Variants in GJC1 observed in about 807,000 individuals in gnomAD.
The protein encoded by GJC1 is gap junction gamma-1 protein.
Under a neutral mutation model 29.3 loss-of-function variants are expected in GJC1, and 5 were observed. The observed-to-expected ratio is 0.17, with a 90% CI of 0.09 to 0.36. The LOEUF is 0.36. GJC1 is among the 10% of genes least tolerant of loss of function. The probability of loss-of-function intolerance (pLI) is 1.00; values close to 1 mark genes in which losing one functional copy is unlikely to be tolerated. For missense variants in GJC1, 310 were observed against 496.2 expected, an observed-to-expected ratio of 0.62 and a Z score of 3.56; for synonymous variants, 177 against 183.3, an observed-to-expected ratio of 0.97 and a Z score of 0.28.
At chr17:44,823,902 G>C (rs35271426) in intron 1 of GJC1, among the ~76,000 whole-genome samples, 4 of 151,218 alleles carry the variant, frequency 2.6e-5, no homozygotes, top group Non-Finnish European at 5.9e-5. Flanking sequence ...TAGTAGAGAC[G>C]GGGTTTCACG....
At chr17:44,829,163 C>A (rs1476584713) in intron 1 of GJC1, among the ~76,000 whole-genome samples, 1 of 151,810 alleles carries the variant, frequency 6.6e-6, no homozygotes. Context: ...ACTGCCAGTT[C>A]TCAATGAACA....
intron 1 of GJC1, among the ~76,000 whole-genome samples, chr17:44,824,295 C>T (rs867952182): frequency 2.0e-4 from 30 of 152,114 alleles, no homozygotes; most frequent in Middle Eastern, 3.4e-3. Context: ...TGTGAGCCAC[C>T]GCACCCGGCC....
Position 44,798,506 on chromosome 17 carries a change from C to T in GJC1, c.*6121G>A, listed in dbSNP as rs1386212597. 6.6e-6 allele frequency: 1 copy of T among 152,196 alleles called. No individual in the cohort carries two copies. The highest frequency in any genetic ancestry group is 1.5e-5 in the Non-Finnish European group (1 of 68,038). 9.4% of individuals were successfully genotyped at this position (152,196 alleles called of 1,614,324 possible). A position where few individuals can be genotyped will look rare whatever the true frequency, so the allele number is the denominator to read the frequency against. ...ATCTTCCTAGAGACAAGGCCCTGAGCACACAGAGTCCGTCTCCACCATGAA... is the reference window on the plus strand; with the variant it reads ...ATCTTCCTAGAGACAAGGCCCTGAGTACACAGAGTCCGTCTCCACCATGAA... On this transcript the variant is annotated 3_prime_UTR_variant, in exon 3 of 3. Transcript: ENST00000592524.
chr17:44,823,711 C>T (rs540704083), intron 1 of GJC1, among the ~76,000 whole-genome samples: 3 of 151,116 alleles, frequency 2.0e-5, no homozygotes, highest in Non-Finnish European at 4.4e-5. Flanking sequence ...CCTTTCTTTC[C>T]TTTCCTTTTT....
rs117665397 is a variant in GJC1, at chr17:44,812,630, G to A, written c.-96-5161C>T. On this transcript the variant is annotated intron_variant, in intron 1 of 2. Coordinates refer to ENST00000592524, the MANE Select transcript of GJC1 (RefSeq NM_005497.4). ...TTCCAAATAACACTAATTTACTAAG[G>A]GATCTAGTAGTAAAAATGAACTTTT... is the stretch of plus-strand genomic sequence containing the variant. 8.7e-3 allele frequency among the ~76,000 whole-genome samples: 1,323 copies of A among 151,866 alleles called. 55 individuals are homozygous for A. The highest frequency in any genetic ancestry group is 0.084 in the East Asian group (432 of 5,168).
downstream of GJC1, among the ~76,000 whole-genome samples, chr17:44,797,079 G>A (rs760686390): frequency 1.3e-5 from 2 of 151,756 alleles, no homozygotes; most frequent in African/African-American, 4.8e-5. Context: ...TCTATATATC[G>A]CTATCTCTCT....
rs1172009982 is a variant in GJC1 at position 44,798,848 on chromosome 17, CA to C, written c.*5778del. ...CTTGGAAGCATATAGCCTGGTTCAA[CA>C]AGCCAACTCTGAAATGCAGAACTAG... On this transcript the variant is annotated 3_prime_UTR_variant, in exon 3 of 3. Coordinates refer to ENST00000592524, the MANE Select transcript of GJC1 (RefSeq NM_005497.4). 6.6e-6 allele frequency: 1 copy of C among 152,168 alleles called. No homozygotes were observed. The highest frequency in any genetic ancestry group is 2.4e-5 in the African/African-American group (1 of 41,434). The allele number at this position is 152,168 out of a possible 1,614,324, so 9.4% of individuals were successfully genotyped here.
chr17:44,808,805 C>T (rs1277003833), intron 1 of GJC1, among the ~76,000 whole-genome samples: 4 of 152,024 alleles, frequency 2.6e-5, no homozygotes, highest in African/African-American at 4.8e-5. Flanking sequence ...CGGCCAAGCA[C>T]GGTGGCTCAT....
At chr17:44,813,514 CAA>C in intron 1 of GJC1, among the ~76,000 whole-genome samples, 1 of 97,586 alleles carries the variant, frequency 1.0e-5, no homozygotes, top group Admixed American at 1.5e-4. Context: ...TTTTTTGAGA[CAA>C]GAGTCTCTCT....
intron 1 of GJC1, among the ~76,000 whole-genome samples, chr17:44,808,201 G>T (rs2049933084): frequency 6.6e-6 from 1 of 151,632 alleles, no homozygotes; most frequent in South Asian, 2.1e-4. Context: ...TTAAAAGGGT[G>T]CTTTGTGTTG....
In GJC1 at chr17:44,802,517, A is replaced by C. The variant is rs2049862048; in HGVS notation, c.*2110T>G. ...TTATTAAACATTTGATTTGAAGGAA[A>C]CTGTGCATGTCTATTAATTACCCAT... On this transcript the variant is annotated 3_prime_UTR_variant, in exon 3 of 3. Transcript: ENST00000592524. The C allele has an allele frequency of 6.6e-6, 1 of 152,120 alleles. No individual in the cohort carries two copies. Among genetic ancestry groups the C allele is most frequent in the African/African-American group, 2.4e-5 (1 of 41,410 alleles). The allele number at this position is 152,120 out of a possible 1,614,324, so 9.4% of individuals were successfully genotyped here.
intron 1 of GJC1, among the ~76,000 whole-genome samples, chr17:44,821,695 C>A (rs2050107450): frequency 2.6e-5 from 1 of 38,520 alleles, no homozygotes. Context: ...GAAACTCCGT[C>A]TCAAAAAAAA....
At chr17:44,807,658 T>C (rs1267581202) in intron 1 of GJC1, 189 bp from the exon 2 acceptor site, 1 of 152,134 alleles carries the variant, frequency 6.6e-6, no homozygotes, top group East Asian at 1.9e-4. Context: ...GGAGAAACCA[T>C]GTAACAGGTG....
intron 1 of GJC1, chr17:44,829,483 G>C (rs1047082475): frequency 1.3e-5 from 2 of 152,364 alleles, no homozygotes; most frequent in South Asian, 2.1e-4. Context: ...CTTCCGCCCC[G>C]CTTTCCCGCT....
Position 44,801,963 on chromosome 17 carries a change from A to C in GJC1, c.*2664T>G, listed in dbSNP as rs559241061. The C allele has an allele frequency of 6.6e-6, 1 of 152,186 alleles. No homozygotes were observed. The highest frequency in any genetic ancestry group is 2.4e-5 in the African/African-American group (1 of 41,444). The allele number at this position is 152,186 out of a possible 1,614,324, so 9.4% of individuals were successfully genotyped here. ...AGGGGAGAATGACTTTGGCAAACTC[A>C]TATGCTTCAAAGGCAGAAAGACATG... On this transcript the variant is annotated 3_prime_UTR_variant, in exon 3 of 3. Transcript: ENST00000592524.
At chr17:44,825,188 C>CA (rs1162077867) in intron 1 of GJC1, among the ~76,000 whole-genome samples, 12,726 of 46,092 alleles carry the variant, frequency 0.28, 3,873 homozygotes, top group East Asian at 0.53. Context: ...GTCTCAATTA[C>CA]AAAAAAAAAA....
intron 1 of GJC1, among the ~76,000 whole-genome samples, chr17:44,815,149 C>A (rs2050028263): frequency 6.6e-6 from 1 of 151,900 alleles, no homozygotes. Flanking sequence ...AGGCCAAATA[C>A]CTCAATGTCT....
intron 1 of GJC1, among the ~76,000 whole-genome samples, chr17:44,815,179 C>G (rs117772737): frequency 6.6e-6 from 1 of 152,100 alleles, no homozygotes; most frequent in Non-Finnish European, 1.5e-5. Flanking sequence ...TAGTAAAGCA[C>G]CAATTTTTTA....
At chr17:44,810,115 G>A (rs2049960147) in intron 1 of GJC1, among the ~76,000 whole-genome samples, 1 of 151,468 alleles carries the variant, frequency 6.6e-6, no homozygotes, top group African/African-American at 2.4e-5. Context: ...ACCCGCCTCG[G>A]CCTCCCAAAA....
Sources: allele counts gnomAD v4.1 joint callset (sites outside exome capture counted in the v4.1 genomes callset), GRCh38; gene constraint gnomAD v4.1.1; transcripts MANE v1.5; gene names NCBI Gene and HGNC (gene_info 2026-07-23, HGNC 2026-07-21).